PARP6: variants seen among roughly 807,000 people sequenced by gnomAD.
PARP6 encodes the protein poly(ADP-ribose) polymerase family member 6, also known as protein mono-ADP-ribosyltransferase PARP6.
Under a neutral mutation model 92.0 loss-of-function variants are expected in PARP6, and 27 were observed. That is an observed-to-expected ratio of 0.29 (90% CI 0.22 to 0.40). The LOEUF (loss-of-function observed/expected upper bound fraction) is 0.40. Among genes scored for constraint, PARP6 ranks in the 10% least tolerant of loss-of-function variants. The probability of loss-of-function intolerance (pLI) is 1.00; values close to 1 mark genes in which losing one functional copy is unlikely to be tolerated. For missense variants in PARP6, 501 were observed against 784.5 expected, an observed-to-expected ratio of 0.64 and a Z score of 4.32; for synonymous variants, 272 against 281.2, an observed-to-expected ratio of 0.97 and a Z score of 0.33.
At chr15:72,261,804 C>G in intron 8 of PARP6, 97 bp from the exon 9 acceptor site, 2 of 1,176,758 alleles carry the variant, frequency 1.7e-6, no homozygotes, top group South Asian at 2.7e-5. Context: ...GACCCAAGGA[C>G]TGCAAAGCTA....
chr15:72,247,177 A>AT (rs927634371), intron 20 of PARP6, among the ~76,000 whole-genome samples: 1 of 151,560 alleles, frequency 6.6e-6, no homozygotes, highest in African/African-American at 2.4e-5. Flanking sequence ...TAAGTTTTAA[A>AT]TTTTTTTTCT....
intron 20 of PARP6, among the ~76,000 whole-genome samples, chr15:72,248,360 G>A (rs1452584254): frequency 8.0e-6 from 1 of 125,448 alleles, no homozygotes; most frequent in Non-Finnish European, 1.7e-5. Flanking sequence ...TTTTTTTTTT[G>A]AGACGGGGTC....
At chr15:72,246,207 T>C (rs1418581883) in intron 20 of PARP6, among the ~76,000 whole-genome samples, 1 of 152,260 alleles carries the variant, frequency 6.6e-6, no homozygotes, top group Non-Finnish European at 1.5e-5. Context: ...TAGAGTGCAG[T>C]GGCACGATCT....
intron 10 of PARP6, 128 bp downstream of exon 10, chr15:72,260,350 G>T (rs1164550228): frequency 1.4e-6 from 1 of 721,166 alleles, no homozygotes; most frequent in Non-Finnish European, 2.4e-6. Context: ...CTCACTCATG[G>T]TACATACCTA....
intron 2 of PARP6, among the ~76,000 whole-genome samples, chr15:72,268,331 C>T (rs1428955298): frequency 1.3e-5 from 2 of 152,218 alleles, no homozygotes; most frequent in African/African-American, 4.8e-5. Flanking sequence ...CAACTCACAC[C>T]AGAGTTAAGA....
intron 20 of PARP6, chr15:72,243,997 G>A (rs1174802611): frequency 1.3e-5 from 2 of 152,132 alleles, no homozygotes; most frequent in South Asian, 2.1e-4. Flanking sequence ...CTCAAGTCTC[G>A]TGACAGATTT....
chr15:72,262,274 A>G lies in PARP6; in HGVS notation c.396-567T>C, dbSNP rs1033630722. 3.9e-5 allele frequency among the ~76,000 whole-genome samples: 6 copies of G among 152,134 alleles called. No individual in the cohort carries two copies. The East Asian group carries it at 1.2e-3, about 29-fold the overall frequency. Reference sequence around the variant, plus strand: ...AAATCCTTATTACCTTCTTTAAGTTACTAACTTCATCTACAACCAAAAACC... The same window carrying G: ...AAATCCTTATTACCTTCTTTAAGTTGCTAACTTCATCTACAACCAAAAACC... On this transcript the variant is annotated intron_variant, in intron 8 of 23. Transcript: ENST00000569795.
In PARP6 at chr15:72,241,570, G is replaced by A; in HGVS notation, c.1791-13C>T. The A allele has an allele frequency of 6.3e-7, 1 of 1,577,578 alleles. No individual in the cohort carries two copies. The highest frequency in any genetic ancestry group is 8.7e-7 in the Non-Finnish European group (1 of 1,146,616). ...ACCATCCTCATATCTGCCAAAGATA[G>A]GGCAAGTGTGAGCATAAGAGGGAGA... On this transcript the variant is annotated splice_polypyrimidine_tract_variant and intron_variant, in intron 23 of 23. Coordinates refer to ENST00000569795, the MANE Select transcript of PARP6 (RefSeq NM_001323532.2). This position sits in a 1 kb window ranked among gnomAD's most constrained non-coding sequence, Gnocchi z 4.1.
chr15:72,264,088 C>T (rs536678635), intron 8 of PARP6, among the ~76,000 whole-genome samples: 2 of 151,910 alleles, frequency 1.3e-5, no homozygotes, highest in South Asian at 2.1e-4. Flanking sequence ...TCTTCAGTGT[C>T]CTTTCTAAAC....
intron 12 of PARP6, 89 bp from the exon 13 acceptor site, chr15:72,257,529 TA>T: frequency 2.0e-6 from 2 of 998,514 alleles, no homozygotes; most frequent in Non-Finnish European, 3.1e-6. Flanking sequence ...CAGACAACTC[TA>T]AAACAGGGTA....
chr15:72,242,751 C>G lies in PARP6; in HGVS notation c.1562-52G>C, dbSNP rs1281662819. Reference sequence around the variant, plus strand: ...ATTTATCAAAAATTTACGAAAGTGCCTACTATGTCCCAGCACTGAGCTAGA... The same window carrying G: ...ATTTATCAAAAATTTACGAAAGTGCGTACTATGTCCCAGCACTGAGCTAGA... On this transcript the variant is annotated intron_variant, in intron 20 of 23. Coordinates refer to ENST00000569795, the MANE Select transcript of PARP6 (RefSeq NM_001323532.2). The surrounding 1 kb of genome is among the most constrained non-coding windows in gnomAD (Gnocchi z 4.3). The G allele has an allele frequency of 8.8e-7, 1 of 1,134,964 alleles. No homozygotes were observed. Among genetic ancestry groups the G allele is most frequent in the Admixed American group, 1.9e-5 (1 of 52,448 alleles). The allele number at this position is 1,134,964 out of a possible 1,614,324, so 70.3% of individuals were successfully genotyped here.
At chr15:72,243,066 G>C (rs1033036884) in intron 20 of PARP6, 2 of 218,652 alleles carry the variant, frequency 9.1e-6, no homozygotes, top group African/African-American at 4.6e-5. Flanking sequence ...CAGAAGGCCT[G>C]AAGGAAAGAT....
intron 5 of PARP6, 55 bp from the exon 6 acceptor site, chr15:72,265,528 TAG>T: frequency 7.4e-7 from 1 of 1,353,268 alleles, no homozygotes. Context: ...AAGAAGGGAA[TAG>T]AAACTGAGTT....
chr15:72,249,953 A>G, intron 19 of PARP6, 67 bp downstream of exon 19: 1 of 1,018,860 alleles, frequency 9.8e-7, no homozygotes, highest in Non-Finnish European at 1.6e-6. Context: ...ACTCTAGAGC[A>G]GCCTTCCACA....
chr15:72,248,410 C>G (rs1483306229), intron 20 of PARP6, among the ~76,000 whole-genome samples: 2 of 151,186 alleles, frequency 1.3e-5, no homozygotes, highest in Non-Finnish European at 3.0e-5. Flanking sequence ...GGTGCAATCT[C>G]AGCTCACTGC....
intron 13 of PARP6, among the ~76,000 whole-genome samples, chr15:72,256,896 G>T (rs769932761): frequency 6.6e-6 from 1 of 151,802 alleles, no homozygotes; most frequent in African/African-American, 2.4e-5. Flanking sequence ...CTTTTTTAAA[G>T]AGACAGGGGC....
Position 72,265,084 on chromosome 15 carries a change from G to T in PARP6, c.325C>A (p.Pro109Thr). ...TGCCCAAAGTCACTGCCTTTACCTG[G>T]TCCATCTAGGTACTGGGAGAGAGAA... ...RFSLSQYLDG[P>T]EPSIEVFQPS... Residue 109 changes from proline to threonine, a missense_variant, in exon 7 of 24, where the codon CCA becomes ACA. Pro to Thr is a conservative substitution (Grantham distance 38). Around this residue, in one of 4 missense-constraint regions of PARP6, gnomAD observed 291 missense variants for 352.0 expected, o/e 0.83. Coordinates refer to ENST00000569795, the MANE Select transcript of PARP6 (RefSeq NM_001323532.2). 1 of 1,608,356 alleles carries T rather than the reference G, an allele frequency of 6.2e-7. No individual in the cohort carries two copies. The highest frequency in any genetic ancestry group is 8.5e-7 in the Non-Finnish European group (1 of 1,174,874).
At chr15:72,269,093 C>T (rs141093715) in intron 2 of PARP6, among the ~76,000 whole-genome samples, 45 of 152,340 alleles carry the variant, frequency 3.0e-4, no homozygotes, top group Admixed American at 6.5e-4. Context: ...TGGCTTTGCA[C>T]ACATCGCAGC....
intron 20 of PARP6, 110 bp downstream of exon 20, chr15:72,249,135 C>G (rs1183747496): frequency 1.8e-6 from 1 of 566,250 alleles, no homozygotes; most frequent in African/African-American, 1.8e-5. Flanking sequence ...GGGGAGAGAG[C>G]TGACACAGAC....
Sources: allele counts gnomAD v4.1 joint callset (sites outside exome capture counted in the v4.1 genomes callset), GRCh38; gene constraint gnomAD v4.1.1; regional missense constraint gnomAD v4.1.1; non-coding constraint Gnocchi (gnomAD v3.1); transcripts MANE v1.5; gene names NCBI Gene and HGNC (gene_info 2026-07-23, HGNC 2026-07-21).